The following TMEM132D variants were observed in gnomAD, a reference collection of about 807,000 sequenced individuals.
The protein encoded by TMEM132D is transmembrane protein 132D.
TMEM132D carries 21 observed loss-of-function variants against 62.3 expected under a neutral mutation model. The observed-to-expected ratio is 0.34, with a 90% CI of 0.24 to 0.49. TMEM132D has a LOEUF of 0.49. Among genes scored for constraint, TMEM132D ranks in the 20% least tolerant of loss-of-function variants. The probability of loss-of-function intolerance (pLI) is 0.99; values close to 1 mark genes in which losing one functional copy is unlikely to be tolerated. For synonymous variants in TMEM132D, 621 were observed against 575.6 expected (o/e 1.08, Z -1.13); for missense variants, 1,346 against 1,402.8 (o/e 0.96, Z 0.65).
At chr12:129,475,635 A>G (rs2137049911) in intron 3 of TMEM132D, among the ~76,000 whole-genome samples, 1 of 152,330 alleles carries the variant, frequency 6.6e-6, no homozygotes, top group African/African-American at 2.4e-5. Flanking sequence ...TAATATAATA[A>G]CCTGCTTACA....
At chr12:129,504,572 T>A (rs547435577) in intron 3 of TMEM132D, among the ~76,000 whole-genome samples, 10 of 152,320 alleles carry the variant, frequency 6.6e-5, no homozygotes, top group African/African-American at 2.4e-4. Context: ...AGTTGTAATA[T>A]CCTCTGTTTC....
intron 4 of TMEM132D, among the ~76,000 whole-genome samples, chr12:129,253,567 C>T (rs1355573248): frequency 1.3e-5 from 2 of 152,186 alleles, no homozygotes; most frequent in African/African-American, 4.8e-5. Flanking sequence ...GTCCACTGGG[C>T]TTTATACCTA....
intron 2 of TMEM132D, among the ~76,000 whole-genome samples, chr12:129,657,151 T>C (rs536626880): frequency 6.6e-6 from 1 of 152,342 alleles, no homozygotes; most frequent in African/African-American, 2.4e-5. Context: ...CTAGTTCAGC[T>C]TTCATGACAA....
At position 129,827,728 on chromosome 12, in the gene TMEM132D, A is replaced by AG. The variant is rs1872698483; in HGVS notation, c.79+75532dup. Among the ~76,000 whole-genome samples the AG allele has an allele frequency of 1.3e-5, 2 of 152,306 alleles. No homozygotes were observed. The highest frequency in any genetic ancestry group is 4.1e-4 in the South Asian group (2 of 4,828). ...GAGGAAGTTCTTGTTTGTCACTGGA[A>AG]GTTAATCTTTAGCCCCCTCACCTCA... On this transcript the variant is annotated intron_variant, in intron 1 of 8. Coordinates refer to ENST00000422113, the MANE Select transcript of TMEM132D (RefSeq NM_133448.3). This position sits in a 1 kb window ranked among gnomAD's most constrained non-coding sequence, Gnocchi z 9.7.
intron 3 of TMEM132D, among the ~76,000 whole-genome samples, chr12:129,479,060 T>C (rs1424969155): frequency 6.6e-6 from 1 of 152,216 alleles, no homozygotes; most frequent in African/African-American, 2.4e-5. Context: ...TACTTTACAC[T>C]ATAGTTAGTT....
chr12:129,626,255 C>T (rs1879210410), intron 2 of TMEM132D, among the ~76,000 whole-genome samples: 1 of 152,136 alleles, frequency 6.6e-6, no homozygotes, highest in African/African-American at 2.4e-5. Flanking sequence ...TTATTTAATG[C>T]TAACTTGTTT....
intron 5 of TMEM132D, among the ~76,000 whole-genome samples, chr12:129,094,845 T>C (rs1282661999): frequency 6.6e-6 from 1 of 152,118 alleles, no homozygotes; most frequent in Admixed American, 6.5e-5. Flanking sequence ...TGGAATACTA[T>C]GCAGCCATAA....
At chr12:129,781,260 C>T (rs1234527455) in intron 1 of TMEM132D, among the ~76,000 whole-genome samples, 6 of 152,136 alleles carry the variant, frequency 3.9e-5, no homozygotes, top group African/African-American at 9.6e-5. Context: ...TCTATGGTTG[C>T]GTCACAAGAT....
At chr12:129,295,651 C>T (rs1881556809) in intron 4 of TMEM132D, among the ~76,000 whole-genome samples, 1 of 151,952 alleles carries the variant, frequency 6.6e-6, no homozygotes, top group African/African-American at 2.4e-5. Flanking sequence ...CACACACTCT[C>T]ACACATAAAA....
At chr12:129,468,648 G>C (rs1455324014) in intron 3 of TMEM132D, among the ~76,000 whole-genome samples, 1 of 152,038 alleles carries the variant, frequency 6.6e-6, no homozygotes, top group Admixed American at 6.6e-5. Context: ...TCCATAAATA[G>C]TTCCCCAGTT....
chr12:129,269,045 G>A (rs1593317535), intron 4 of TMEM132D, among the ~76,000 whole-genome samples: 1 of 150,720 alleles, frequency 6.6e-6, no homozygotes, highest in East Asian at 2.0e-4. Flanking sequence ...GGGAGGGATA[G>A]CATTAGGAGA....
At chr12:129,287,949 C>A (rs984781553) in intron 4 of TMEM132D, among the ~76,000 whole-genome samples, 5 of 152,164 alleles carry the variant, frequency 3.3e-5, no homozygotes, top group Admixed American at 2.0e-4. Context: ...AGCACTGTAG[C>A]GTTGTAATAT....
chr12:129,175,704 A>G (rs1877884940), intron 5 of TMEM132D, among the ~76,000 whole-genome samples: 1 of 152,168 alleles, frequency 6.6e-6, no homozygotes, highest in African/African-American at 2.4e-5. Context: ...GTGAAACTCC[A>G]TCTCTAAATA....
chr12:129,199,710 G>A (rs990557981), intron 5 of TMEM132D, among the ~76,000 whole-genome samples: 1 of 152,156 alleles, frequency 6.6e-6, no homozygotes, highest in Non-Finnish European at 1.5e-5. Flanking sequence ...AGGAGCAAAG[G>A]CATGTCTTAC....
chr12:129,682,030 G>A (rs1326225793), intron 2 of TMEM132D, among the ~76,000 whole-genome samples: 2 of 152,308 alleles, frequency 1.3e-5, no homozygotes, highest in East Asian at 1.9e-4. Flanking sequence ...GCTGAGTTAG[G>A]TGTTTCCCTG....
At chr12:129,404,682 G>C (rs1871726403) in intron 3 of TMEM132D, among the ~76,000 whole-genome samples, 1 of 152,090 alleles carries the variant, frequency 6.6e-6, no homozygotes, top group Non-Finnish European at 1.5e-5. Context: ...GGGGCAGGGG[G>C]GTGTAGGGGA....
At chr12:129,250,691 C>T (rs562286437) in intron 4 of TMEM132D, among the ~76,000 whole-genome samples, 6 of 152,174 alleles carry the variant, frequency 3.9e-5, no homozygotes, top group Non-Finnish European at 7.3e-5. Flanking sequence ...GAGCTGCCCA[C>T]ACGCATGGGA....
intron 1 of TMEM132D, among the ~76,000 whole-genome samples, chr12:129,822,252 C>A (rs1317195835): frequency 6.6e-6 from 1 of 152,080 alleles, no homozygotes; most frequent in Admixed American, 6.5e-5. Flanking sequence ...AGCTGAGAGA[C>A]CTGCCGGGGT....
chr12:129,701,080 T>A (rs1238813663), intron 1 of TMEM132D, among the ~76,000 whole-genome samples: 1 of 152,126 alleles, frequency 6.6e-6, no homozygotes, highest in African/African-American at 2.4e-5. Flanking sequence ...CAAGCTACCA[T>A]CGACAGAGAG....
Sources: gnomAD v4.1 joint callset for allele counts (sites outside exome capture counted in the v4.1 genomes callset) on GRCh38, gnomAD v4.1.1 for gene constraint, Gnocchi (gnomAD v3.1) non-coding constraint, MANE v1.5 for transcripts, NCBI Gene and HGNC (gene_info 2026-07-23, HGNC 2026-07-21) for gene names.